MBTPS1: variants seen among roughly 807,000 people sequenced by gnomAD.
MBTPS1 encodes the protein membrane bound transcription factor peptidase, site 1, also known as membrane-bound transcription factor site-1 protease.
In MBTPS1, 94 loss-of-function variants were observed where a neutral mutation model predicts 127.8. That is an observed-to-expected ratio of 0.74 (90% CI 0.62 to 0.87). The LOEUF (loss-of-function observed/expected upper bound fraction) is 0.87. Ranked by LOEUF, MBTPS1 falls within the 40% of genes least tolerant of loss-of-function variation. The pLI, the probability that MBTPS1 is intolerant of heterozygous loss-of-function variation, is 0.00. For missense variants in MBTPS1, 1,636 were observed against 1,353.2 expected, an observed-to-expected ratio of 1.21 and a Z score of -3.28; for synonymous variants, 632 against 509.4, an observed-to-expected ratio of 1.24 and a Z score of -3.24.
intron 10 of MBTPS1, among the ~76,000 whole-genome samples, chr16:84,083,177 T>C (rs2085966840): frequency 1.3e-5 from 2 of 152,164 alleles, no homozygotes; most frequent in African/African-American, 4.8e-5. Flanking sequence ...GTTTCCAGAA[T>C]CAACAACATT....
At chr16:84,083,116 C>A (rs753434769) in intron 10 of MBTPS1, among the ~76,000 whole-genome samples, 2 of 152,226 alleles carry the variant, frequency 1.3e-5, no homozygotes, top group African/African-American at 4.8e-5. Flanking sequence ...GCAGAGCCCT[C>A]ACTTCCTGCT....
intron 1 of MBTPS1, among the ~76,000 whole-genome samples, chr16:84,111,924 G>GGCACC (rs1451680288): frequency 6.6e-6 from 1 of 151,828 alleles, no homozygotes; most frequent in African/African-American, 2.4e-5. Context: ...AATGCAGCTG[G>GGCACC]GTGCGGTGGC....
At chr16:84,109,292 C>G (rs1339799718) in intron 1 of MBTPS1, among the ~76,000 whole-genome samples, 1 of 152,196 alleles carries the variant, frequency 6.6e-6, no homozygotes, top group Non-Finnish European at 1.5e-5. Flanking sequence ...CCGGGACAAT[C>G]TGAGCATCAC....
intron 12 of MBTPS1, among the ~76,000 whole-genome samples, chr16:84,071,440 G>A (rs934550218): frequency 7.2e-5 from 11 of 152,164 alleles, no homozygotes; most frequent in African/African-American, 2.7e-4. Flanking sequence ...AAGCCAGTGG[G>A]TTAAGAAAAA....
rs1272577374 is a variant in MBTPS1, at chr16:84,101,613, A to T, written c.163+8T>A. 2 of 1,608,904 alleles carry T rather than the reference A, an allele frequency of 1.2e-6. No homozygotes were observed. The highest frequency in any genetic ancestry group is 1.7e-5 in the Admixed American group (1 of 59,388). ...GGGAGTTCCTAATACTTAAGACAAC[A>T]TCATTACCATATTCCACAACTGTTG... On this transcript the variant is annotated splice_region_variant and intron_variant, in intron 2 of 22. Coordinates refer to ENST00000343411, the MANE Select transcript of MBTPS1 (RefSeq NM_003791.4).
chr16:84,055,939 G>C (rs1355920117), intron 22 of MBTPS1, 66 bp downstream of exon 22: 2 of 1,558,938 alleles, frequency 1.3e-6, no homozygotes, highest in South Asian at 2.3e-5. Context: ...CCTGGGGAGG[G>C]AGGGAGACTC....
intron 8 of MBTPS1, among the ~76,000 whole-genome samples, chr16:84,090,341 TCCTCCCTG>T (rs1215891037): frequency 1.3e-5 from 2 of 152,158 alleles, no homozygotes; most frequent in Non-Finnish European, 2.9e-5. Flanking sequence ...TGTGACACTG[TCCTCCCTG>T]CCTCCCTCCT....
intron 1 of MBTPS1, among the ~76,000 whole-genome samples, chr16:84,114,586 T>G (rs1329905134): frequency 2.0e-5 from 3 of 151,898 alleles, no homozygotes; most frequent in Admixed American, 6.5e-5. Flanking sequence ...ATCCCAGCAC[T>G]TTGGGAGGCC....
chr16:84,070,207 AACACT>A (rs2085750401), intron 13 of MBTPS1, among the ~76,000 whole-genome samples, 169 bp from the exon 14 acceptor site: 1 of 152,260 alleles, frequency 6.6e-6, no homozygotes, highest in South Asian at 2.1e-4. Flanking sequence ...AGTCCATTCA[AACACT>A]TAAAGAGTTT....
rs200457517 is a variant in MBTPS1 at position 84,093,339 on chromosome 16, T to G, written c.737-42A>C. The G allele has an allele frequency of 1.8e-5, 24 of 1,308,796 alleles. No individual in the cohort carries two copies. In the Admixed American group the frequency reaches 3.9e-4, roughly 21 times the overall value. The allele number at this position is 1,308,796 out of a possible 1,614,324, so 81.1% of individuals were successfully genotyped here. A position where few individuals can be genotyped will look rare whatever the true frequency, so the allele number is the denominator to read the frequency against. On this transcript the variant is annotated intron_variant, in intron 5 of 22. Coordinates refer to ENST00000343411, the MANE Select transcript of MBTPS1 (RefSeq NM_003791.4). ...AAACAATCCCATAAAACACACTGAA[T>G]AGCAAGTGCCAGGACGCAACATTCC...
rs372119947 is a variant in MBTPS1 at position 84,095,569 on chromosome 16, C to G, written c.625+33G>C. The G allele has an allele frequency of 8.1e-6, 13 of 1,606,744 alleles. No homozygotes were observed. The African/African-American group carries it at 1.5e-4, about 18-fold the overall frequency. On this transcript the variant is annotated intron_variant, in intron 4 of 22. Coordinates refer to ENST00000343411, the MANE Select transcript of MBTPS1 (RefSeq NM_003791.4). ...GGGTAATAGCACACACCTGTATATCCCATAAGCACCTTCCCTGGGTAATAG... is the reference window on the plus strand; with the variant it reads ...GGGTAATAGCACACACCTGTATATCGCATAAGCACCTTCCCTGGGTAATAG...
chr16:84,076,460 T>C (rs1274621698), intron 11 of MBTPS1, among the ~76,000 whole-genome samples: 2 of 152,056 alleles, frequency 1.3e-5, no homozygotes, highest in Non-Finnish European at 2.9e-5. Flanking sequence ...AGACAGAAAA[T>C]AATCAATGAA....
intron 14 of MBTPS1, 40 bp from the exon 15 acceptor site, chr16:84,068,494 T>G: frequency 4.1e-5 from 55 of 1,345,696 alleles, no homozygotes; most frequent in Non-Finnish European, 4.9e-5. Context: ...TGATCGATCT[T>G]TACTGGCAAT....
intron 11 of MBTPS1, among the ~76,000 whole-genome samples, chr16:84,078,105 TGCTCACGC>T (rs1163929686): frequency 1.2e-5 from 1 of 80,648 alleles, no homozygotes; most frequent in Non-Finnish European, 3.0e-5. Context: ...TCACGCACAC[TGCTCACGC>T]AATACCAAAA....
At chr16:84,090,777 A>C in intron 8 of MBTPS1, 98 bp downstream of exon 8, 2 of 878,316 alleles carry the variant, frequency 2.3e-6, no homozygotes. Context: ...AGACAGACAT[A>C]AACAAGTAAC....
chr16:84,094,812 C>T (rs947769369), intron 4 of MBTPS1, among the ~76,000 whole-genome samples: 1 of 152,084 alleles, frequency 6.6e-6, no homozygotes, highest in Non-Finnish European at 1.5e-5. Context: ...TGCCAGTCCA[C>T]CGGGTATTAA....
chr16:84,087,890 A>T (rs1567492240), intron 8 of MBTPS1, among the ~76,000 whole-genome samples: 1 of 152,286 alleles, frequency 6.6e-6, no homozygotes, highest in East Asian at 1.9e-4. Flanking sequence ...CAGCTAAATC[A>T]CACACTTCTC....
chr16:84,081,827 G>A lies in MBTPS1; in HGVS notation c.1368C>T (p.Val456=). ...LIASARRLPG[V]NMFEQGHGKL... ...TGCCGTGGCCTTGCTCAAACATGTTGACCCCGGGGAGCCTCCGGGCTGACG... is the reference window on the plus strand; with the variant it reads ...TGCCGTGGCCTTGCTCAAACATGTTAACCCCGGGGAGCCTCCGGGCTGACG... The change falls in exon 11 of 23, where the codon GTC becomes GTT. Residue 456 remains valine (V), a synonymous_variant. Transcript: ENST00000343411. 5 of 1,532,192 alleles carry A rather than the reference G, an allele frequency of 3.3e-6. No homozygotes were observed. Among genetic ancestry groups the A allele is most frequent in the Non-Finnish European group, 4.4e-6 (5 of 1,138,848 alleles). 94.9% of individuals were successfully genotyped at this position (1,532,192 alleles called of 1,614,324 possible).
rs535599015 is a variant in MBTPS1, at chr16:84,083,994, C to T, written c.1286+989G>A. 2.3e-4 allele frequency among the ~76,000 whole-genome samples: 35 copies of T among 152,320 alleles called. 1 individual carries two copies. In the South Asian group the frequency reaches 6.8e-3, roughly 30 times the overall value. On this transcript the variant is annotated intron_variant, in intron 10 of 22. Transcript: ENST00000343411. ...TGGCTGATTGAGACAGAGTGTTGCT[C>T]TGTCACCCAGGCTGGAGTGCAGTGG...
Sources: allele counts gnomAD v4.1 joint callset (sites outside exome capture counted in the v4.1 genomes callset), GRCh38; gene constraint gnomAD v4.1.1; transcripts MANE v1.5; gene names NCBI Gene and HGNC (gene_info 2026-07-23, HGNC 2026-07-21).